INPP4B: variants seen among roughly 807,000 people sequenced by gnomAD.
INPP4B encodes inositol polyphosphate-4-phosphatase type II B.
In INPP4B, 55 loss-of-function variants were observed where a neutral mutation model predicts 122.5. The ratio of observed to expected loss-of-function variants is 0.45; its 90% CI spans 0.36 to 0.56. The LOEUF is 0.56. Among genes scored for constraint, INPP4B ranks in the 20% least tolerant of loss-of-function variants. The pLI is 0.00. For synonymous variants in INPP4B, 403 were observed against 388.7 expected, an observed-to-expected ratio of 1.04 and a Z score of -0.43; for missense variants, 1,000 against 1,097.7, an observed-to-expected ratio of 0.91 and a Z score of 1.26.
intron 2 of INPP4B, among the ~76,000 whole-genome samples, chr4:142,709,610 T>A (rs1762872643): frequency 6.6e-6 from 1 of 152,036 alleles, no homozygotes; most frequent in Admixed American, 6.5e-5. Flanking sequence ...TCCTTCCTCT[T>A]CTCCTCCCAC....
intron 25 of INPP4B, chr4:142,029,190 G>A: frequency 9.1e-7 from 1 of 1,095,428 alleles, no homozygotes. Flanking sequence ...CCACAATACA[G>A]CTCCACTTTA....
At chr4:142,344,018 T>G (rs1179662805) in intron 7 of INPP4B, among the ~76,000 whole-genome samples, 1 of 152,100 alleles carries the variant, frequency 6.6e-6, no homozygotes, top group Non-Finnish European at 1.5e-5. Flanking sequence ...ACAGTTATTA[T>G]CATTGAGATT....
At chr4:142,735,110 T>G (rs981796667) in intron 1 of INPP4B, among the ~76,000 whole-genome samples, 12 of 152,242 alleles carry the variant, frequency 7.9e-5, no homozygotes, top group Non-Finnish European at 1.5e-4. Context: ...ACACATTCTG[T>G]TTTTAATATT....
chr4:142,384,749 G>C (rs1795371451), intron 7 of INPP4B, among the ~76,000 whole-genome samples: 1 of 152,064 alleles, frequency 6.6e-6, no homozygotes. Flanking sequence ...CTCGTGTCAT[G>C]GGGGTTTGTT....
intron 25 of INPP4B, among the ~76,000 whole-genome samples, chr4:142,056,123 AG>A (rs1261364025): frequency 6.6e-6 from 1 of 151,926 alleles, no homozygotes; most frequent in Admixed American, 6.6e-5. Flanking sequence ...CGGAAGGCAG[AG>A]CTCAGATTGT....
chr4:142,305,675 A>T, intron 8 of INPP4B, 138 bp from the exon 9 acceptor site: 1 of 1,468,258 alleles, frequency 6.8e-7, no homozygotes, highest in East Asian at 2.5e-5. Flanking sequence ...AGTAACAGAG[A>T]TAAAATTATC....
intron 9 of INPP4B, among the ~76,000 whole-genome samples, chr4:142,271,840 G>A (rs748240967): frequency 3.3e-5 from 5 of 152,090 alleles, no homozygotes; most frequent in Non-Finnish European, 7.4e-5. Flanking sequence ...AAAATTTTAT[G>A]TTTGGCAATA....
intron 8 of INPP4B, chr4:142,305,843 G>T: frequency 1.8e-6 from 2 of 1,114,776 alleles, no homozygotes; most frequent in Admixed American, 4.8e-5. Flanking sequence ...GAAAACTGAA[G>T]GAAAATAAAA....
intron 15 of INPP4B, among the ~76,000 whole-genome samples, chr4:142,185,742 G>T (rs1016206772): frequency 2.6e-5 from 4 of 151,788 alleles, no homozygotes; most frequent in African/African-American, 9.7e-5. Flanking sequence ...AGCCGCGCGT[G>T]GTGGCAGGTG....
Position 142,024,054 on chromosome 4 carries a change from G to T in INPP4B, c.*4728C>A, listed in dbSNP as rs913115621. 2 of 151,778 alleles carry T rather than the reference G, an allele frequency of 1.3e-5. No homozygotes were observed. The highest frequency in any genetic ancestry group is 2.4e-5 in the African/African-American group (1 of 41,288). 9.4% of individuals were successfully genotyped at this position (151,778 alleles called of 1,614,324 possible). On this transcript the variant is annotated 3_prime_UTR_variant, in exon 26 of 26. Transcript: ENST00000262992. ...TGATTCTCTTATTTGCTTAGAAATA[G>T]AATTCAATGAGTGATTAATGTACAC...
At chr4:142,354,577 T>C (rs941839693) in intron 7 of INPP4B, among the ~76,000 whole-genome samples, 1 of 152,008 alleles carries the variant, frequency 6.6e-6, no homozygotes, top group Non-Finnish European at 1.5e-5. Context: ...AGAGAATTCA[T>C]CTAACAAAAT....
intron 9 of INPP4B, among the ~76,000 whole-genome samples, chr4:142,299,307 A>G (rs1322262440): frequency 7.3e-6 from 1 of 136,562 alleles, no homozygotes; most frequent in Non-Finnish European, 1.5e-5. Context: ...GACTACAAGC[A>G]TGCGCCATCA....
chr4:142,261,078 T>A (rs144016407), intron 10 of INPP4B, among the ~76,000 whole-genome samples: 1 of 152,228 alleles, frequency 6.6e-6, no homozygotes, highest in African/African-American at 2.4e-5. Context: ...CATTTATAAA[T>A]AAGCTGATCT....
At chr4:142,275,706 G>A (rs1304444208) in intron 9 of INPP4B, among the ~76,000 whole-genome samples, 4 of 151,766 alleles carry the variant, frequency 2.6e-5, no homozygotes, top group African/African-American at 7.3e-5. Flanking sequence ...GCCATATAAT[G>A]CTTTCAAATT....
At chr4:142,404,077 T>A (rs1802529395) in intron 6 of INPP4B, among the ~76,000 whole-genome samples, 1 of 152,212 alleles carries the variant, frequency 6.6e-6, no homozygotes, top group Non-Finnish European at 1.5e-5. Context: ...ATAAAATGAA[T>A]AACTTACAAT....
At chr4:142,400,275 T>C (rs1398380321) in intron 7 of INPP4B, among the ~76,000 whole-genome samples, 1 of 152,168 alleles carries the variant, frequency 6.6e-6, no homozygotes, top group Non-Finnish European at 1.5e-5. Context: ...ATATAGAAGA[T>C]CTGATCGTCC....
At chr4:142,596,662 T>G (rs1397243750) in intron 2 of INPP4B, among the ~76,000 whole-genome samples, 3 of 152,236 alleles carry the variant, frequency 2.0e-5, no homozygotes, top group African/African-American at 7.2e-5. Flanking sequence ...CCATTTATAC[T>G]TGTAGTTTAA....
chr4:142,062,790 A>C (rs1414078462), intron 25 of INPP4B, among the ~76,000 whole-genome samples: 8 of 151,188 alleles, frequency 5.3e-5, no homozygotes, highest in Admixed American at 4.0e-4. Flanking sequence ...AACAAACACA[A>C]AAAAACTTTT....
intron 2 of INPP4B, among the ~76,000 whole-genome samples, chr4:142,524,330 T>C (rs942346689): frequency 1.3e-4 from 19 of 151,962 alleles, no homozygotes; most frequent in Non-Finnish European, 2.2e-4. Context: ...TGTTTCCTGA[T>C]TTTTTAATGA....
Sources: gnomAD v4.1 joint callset for allele counts (sites outside exome capture counted in the v4.1 genomes callset) on GRCh38, gnomAD v4.1.1 for gene constraint, MANE v1.5 for transcripts, NCBI Gene and HGNC (gene_info 2026-07-23, HGNC 2026-07-21) for gene names.